SYT1: variants seen among roughly 807,000 people sequenced by gnomAD.
SYT1 encodes the protein synaptotagmin-1.
A neutral mutation model predicts 44.8 loss-of-function variants in SYT1; 8 were observed. That is an observed-to-expected ratio of 0.18 (90% CI 0.10 to 0.32). SYT1 has a LOEUF of 0.32. Ranked by LOEUF, SYT1 falls within the 10% of genes least tolerant of loss-of-function variation. The probability of loss-of-function intolerance (pLI) is 1.00; values close to 1 mark genes in which losing one functional copy is unlikely to be tolerated. For missense variants in SYT1, 286 were observed against 509.3 expected, an observed-to-expected ratio of 0.56 and a Z score of 4.22; for synonymous variants, 154 against 188.8, an observed-to-expected ratio of 0.82 and a Z score of 1.51.
At chr12:79,364,882 G>C (rs559868044) in intron 9 of SYT1, among the ~76,000 whole-genome samples, 2 of 152,054 alleles carry the variant, frequency 1.3e-5, no homozygotes, top group Non-Finnish European at 2.9e-5. Flanking sequence ...ATCTACTGAC[G>C]CAGCTGTCAT....
intron 4 of SYT1, among the ~76,000 whole-genome samples, chr12:79,230,779 C>T (rs1167211328): frequency 2.6e-5 from 4 of 152,066 alleles, no homozygotes; most frequent in Admixed American, 1.3e-4. Context: ...AAATTAAAAT[C>T]GCAACTAAGT....
chr12:79,337,018 GT>G (rs1276262358), intron 8 of SYT1, among the ~76,000 whole-genome samples: 1 of 151,922 alleles, frequency 6.6e-6, no homozygotes, highest in African/African-American at 2.4e-5. Flanking sequence ...ACCATCTTCT[GT>G]GTGACTTGCC....
intron 8 of SYT1, among the ~76,000 whole-genome samples, chr12:79,323,026 G>T (rs775322659): frequency 6.6e-6 from 1 of 152,006 alleles, no homozygotes; most frequent in African/African-American, 2.4e-5. Flanking sequence ...TAACAGCCCT[G>T]TAATTCATCA....
chr12:79,296,368 C>A, intron 7 of SYT1, 132 bp downstream of exon 7: 2 of 933,192 alleles, frequency 2.1e-6, no homozygotes, highest in Non-Finnish European at 3.1e-6. Flanking sequence ...TCAGAATATG[C>A]AAAATTCTTA....
intron 3 of SYT1, among the ~76,000 whole-genome samples, chr12:79,077,645 C>G (rs1252742260): frequency 1.3e-5 from 2 of 152,084 alleles, no homozygotes; most frequent in African/African-American, 4.8e-5. Context: ...GCAGTATTTG[C>G]AAGAAATAAA....
intron 3 of SYT1, among the ~76,000 whole-genome samples, chr12:79,118,134 T>C (rs1879401758): frequency 6.6e-6 from 1 of 151,742 alleles, no homozygotes; most frequent in Non-Finnish European, 1.5e-5. Flanking sequence ...TCTAGCCTGT[T>C]GTTTGACAAG....
chr12:79,095,631 A>G (rs1353871514), intron 3 of SYT1, among the ~76,000 whole-genome samples: 2 of 151,950 alleles, frequency 1.3e-5, no homozygotes, highest in Non-Finnish European at 2.9e-5. Flanking sequence ...ACTCTTACTC[A>G]ACTGGGCTCT....
chr12:78,978,409 CT>C (rs1354221958), intron 2 of SYT1, among the ~76,000 whole-genome samples: 5 of 152,156 alleles, frequency 3.3e-5, no homozygotes, highest in Admixed American at 3.3e-4. Context: ...CTGATGTTTC[CT>C]TGTACCATGC....
At chr12:78,944,091 G>T (rs931219613) in intron 1 of SYT1, among the ~76,000 whole-genome samples, 2 of 151,796 alleles carry the variant, frequency 1.3e-5, no homozygotes, top group African/African-American at 4.8e-5. Flanking sequence ...TTTAAAATTA[G>T]TTTATTCTTA....
intron 4 of SYT1, among the ~76,000 whole-genome samples, chr12:79,244,518 C>T (rs900564569): frequency 4.6e-5 from 7 of 151,930 alleles, no homozygotes; most frequent in Admixed American, 3.9e-4. Flanking sequence ...CCAGCCTGGC[C>T]AACATGGTAA....
At chr12:79,317,470 G>A (rs561661952) in intron 8 of SYT1, among the ~76,000 whole-genome samples, 1 of 152,292 alleles carries the variant, frequency 6.6e-6, no homozygotes, top group Admixed American at 6.5e-5. Context: ...ACAAGAGATG[G>A]CAAAGTACTC....
At chr12:79,420,890 A>G (rs1378321993) in intron 9 of SYT1, among the ~76,000 whole-genome samples, 4 of 152,104 alleles carry the variant, frequency 2.6e-5, no homozygotes, top group Admixed American at 6.6e-5. Flanking sequence ...CCTAAGGAAA[A>G]AAAAAGTGTT....
intron 2 of SYT1, among the ~76,000 whole-genome samples, chr12:78,992,983 AT>A (rs1870120245): frequency 6.6e-6 from 1 of 152,168 alleles, no homozygotes; most frequent in Non-Finnish European, 1.5e-5. Context: ...AATTCTCTAT[AT>A]GTTTCCTCTA....
chr12:78,935,243 G>A (rs1383083786), intron 1 of SYT1, among the ~76,000 whole-genome samples: 2 of 152,130 alleles, frequency 1.3e-5, no homozygotes, highest in Admixed American at 6.5e-5. Context: ...CATGAAGGTT[G>A]CTCTTAACTT....
At chr12:79,307,949 AAGG>A (rs1273406958) in intron 8 of SYT1, among the ~76,000 whole-genome samples, 2 of 152,180 alleles carry the variant, frequency 1.3e-5, no homozygotes, top group East Asian at 1.9e-4. Flanking sequence ...GATAGTGAAG[AAGG>A]AGAAGGCCTC....
chr12:79,290,117 C>T (rs936173837), intron 5 of SYT1, among the ~76,000 whole-genome samples: 2 of 151,964 alleles, frequency 1.3e-5, no homozygotes, highest in African/African-American at 4.8e-5. Context: ...GTTTCTACAC[C>T]GATGTATATC....
At chr12:79,162,603 G>A (rs1483762892) in intron 3 of SYT1, among the ~76,000 whole-genome samples, 1 of 152,072 alleles carries the variant, frequency 6.6e-6, no homozygotes, top group African/African-American at 2.4e-5. Context: ...ATATGCTAAT[G>A]TAACCTAGTA....
At chr12:79,291,011 C>A (rs1879554988) in intron 5 of SYT1, among the ~76,000 whole-genome samples, 1 of 152,128 alleles carries the variant, frequency 6.6e-6, no homozygotes, top group Admixed American at 6.5e-5. Context: ...AAGAATTACA[C>A]ATCCCTAGAA....
intron 8 of SYT1, among the ~76,000 whole-genome samples, chr12:79,350,545 C>T (rs940312893): frequency 3.9e-4 from 60 of 152,128 alleles, no homozygotes; most frequent in African/African-American, 1.4e-3. Context: ...AGCCACCGCG[C>T]CCGGCCCTCA....
Sources: allele counts gnomAD v4.1 joint callset (sites outside exome capture counted in the v4.1 genomes callset), GRCh38; gene constraint gnomAD v4.1.1; transcripts MANE v1.5; gene names NCBI Gene and HGNC (gene_info 2026-07-23, HGNC 2026-07-21).